TBC1D8: variants seen among roughly 807,000 people sequenced by gnomAD.
TBC1D8 encodes the protein TBC1 domain family member 8, also known as BUB2-like protein 1.
Under a neutral mutation model 118.8 loss-of-function variants are expected in TBC1D8, and 65 were observed. The ratio of observed to expected loss-of-function variants is 0.55; its 90% CI spans 0.45 to 0.67. The LOEUF (loss-of-function observed/expected upper bound fraction) is 0.67, where lower values mean the gene tolerates loss of function less well. TBC1D8 is among the 30% of genes least tolerant of loss of function. The probability of loss-of-function intolerance (pLI) is 0.00; values close to 1 mark genes in which losing one functional copy is unlikely to be tolerated. For missense variants in TBC1D8, 1,376 were observed against 1,471.2 expected (o/e 0.94, Z 1.06); for synonymous variants, 566 against 595.8 (o/e 0.95, Z 0.73).
At chr2:101,125,114 C>A (rs1678296431) in intron 1 of TBC1D8, among the ~76,000 whole-genome samples, 1 of 152,284 alleles carries the variant, frequency 6.6e-6, no homozygotes, top group Admixed American at 6.5e-5. Flanking sequence ...TCCAAACAAT[C>A]AAGCAGCCTC....
intron 1 of TBC1D8, among the ~76,000 whole-genome samples, chr2:101,139,326 CA>C (rs111845842): frequency 0.51 from 75,381 of 147,872 alleles, 19,658 homozygotes; most frequent in African/African-American, 0.63. Context: ...CAAAAAACAA[CA>C]AAAAAAAAAA....
intron 19 of TBC1D8, among the ~76,000 whole-genome samples, chr2:101,009,913 C>G: frequency 6.6e-6 from 1 of 151,436 alleles, no homozygotes; most frequent in South Asian, 2.1e-4. Context: ...GCTCCGCCTC[C>G]CGGGTTCATG....
In TBC1D8 at chr2:101,073,496, G is replaced by A. The variant is rs577085563; in HGVS notation, c.284-13957C>T. On this transcript the variant is annotated intron_variant, in intron 2 of 19. Transcript: ENST00000409318. Reference sequence around the variant, plus strand: ...TTTTTAATACAGATGGGGTTTCACCGTGTTAGCCAGGATGGTCTCGATCTC... The same window carrying A: ...TTTTTAATACAGATGGGGTTTCACCATGTTAGCCAGGATGGTCTCGATCTC... 2.2e-3 allele frequency among the ~76,000 whole-genome samples: 338 copies of A among 151,950 alleles called. 2 individuals are homozygous for A. The highest frequency in any genetic ancestry group is 7.7e-3 in the African/African-American group (319 of 41,434).
Position 101,050,557 on chromosome 2 carries a change from G to A in TBC1D8, c.716C>T (p.Thr239Met), listed in dbSNP as rs369454665. Residue 239 changes from threonine to methionine, a missense_variant, in exon 5 of 20, where the codon ACG becomes ATG. Transcript: ENST00000409318. ...VFLTDTIRIT[T>M]QNKERDFSMF... ...GGAGAAGTCACGCTCCTTATTCTGC[G>A]TGGTGATTCGGATGGTATCCGTCAG... 98 of 1,613,872 alleles carry A rather than the reference G, an allele frequency of 6.1e-5. No individual in the cohort carries two copies. The highest frequency in any genetic ancestry group is 4.9e-4 in the East Asian group (22 of 44,888).
chr2:101,028,183 G>C (rs749058284), intron 13 of TBC1D8, 37 bp from the exon 14 acceptor site: 2 of 1,611,192 alleles, frequency 1.2e-6, no homozygotes, highest in Non-Finnish European at 8.5e-7. Flanking sequence ...TCAGTCCCCT[G>C]CTCATCCAAA....
At chr2:101,026,097 A>G (rs1680321767) in intron 15 of TBC1D8, among the ~76,000 whole-genome samples, 1 of 152,134 alleles carries the variant, frequency 6.6e-6, no homozygotes, top group Non-Finnish European at 1.5e-5. Context: ...ACTTAACAAA[A>G]TTTGTTTTTA....
chr2:101,028,586 C>T (rs887213285), intron 12 of TBC1D8, 154 bp from the exon 13 acceptor site: 5 of 1,147,358 alleles, frequency 4.4e-6, no homozygotes, highest in African/African-American at 1.5e-5. Flanking sequence ...TTTAGAGAAG[C>T]GAGAGGCAGT....
At chr2:101,148,522 AAGAG>A (rs558818840) in intron 1 of TBC1D8, among the ~76,000 whole-genome samples, 28 of 152,256 alleles carry the variant, frequency 1.8e-4, no homozygotes, top group South Asian at 6.2e-4. Context: ...GGGAGAGAAA[AAGAG>A]AGAGAGAGCA....
chr2:101,115,686 G>A (rs1008232162), intron 1 of TBC1D8, among the ~76,000 whole-genome samples: 2 of 152,190 alleles, frequency 1.3e-5, no homozygotes, highest in African/African-American at 2.4e-5. Context: ...AGGAGGCAGA[G>A]GGTGCAATGA....
intron 3 of TBC1D8, among the ~76,000 whole-genome samples, chr2:101,058,839 A>AT (rs1329631810): frequency 1.3e-5 from 2 of 151,264 alleles, no homozygotes; most frequent in Non-Finnish European, 2.9e-5. Flanking sequence ...TTTTCCTGGG[A>AT]TAAAAAAAGG....
intron 1 of TBC1D8, chr2:101,109,997 G>A (rs796822135): frequency 2.6e-5 from 26 of 985,408 alleles, no homozygotes; most frequent in African/African-American, 7.0e-5. Flanking sequence ...CTTGTCTGGC[G>A]CTACAGGAAA....
In TBC1D8 at chr2:101,007,957, T is replaced by C; in HGVS notation, c.3332A>G (p.Gln1111Arg). Residue 1111 changes from glutamine to arginine, a missense_variant, in exon 20 of 20, where the codon CAG becomes CGG. Physicochemically the swap from Gln to Arg is conservative, Grantham distance 43 (BLOSUM62 1). Transcript: ENST00000409318. ...EHILASLLTE[Q>R]SLVNFFEKPL... ...CTTTTCAAAAAAGTTGACTAATGAC[T>C]GTTCAGTCAGAAGTGAAGCTAAAAT... 2 of 1,614,070 alleles carry C rather than the reference T, an allele frequency of 1.2e-6. No individual in the cohort carries two copies. The highest frequency in any genetic ancestry group is 2.2e-5 in the South Asian group (2 of 91,090).
chr2:101,008,392 A>G, intron 19 of TBC1D8, 119 bp from the exon 20 acceptor site: 1 of 803,680 alleles, frequency 1.2e-6, no homozygotes, highest in Non-Finnish European at 1.9e-6. Flanking sequence ...CACAGAATAT[A>G]AGAAAAGGTA....
intron 9 of TBC1D8, among the ~76,000 whole-genome samples, chr2:101,035,689 C>CTA (rs955367099): frequency 1.3e-5 from 2 of 152,200 alleles, no homozygotes; most frequent in Non-Finnish European, 2.9e-5. Context: ...AGCTCACACA[C>CTA]TATAGACACT....
chr2:101,080,231 C>T (rs891991254), intron 2 of TBC1D8, among the ~76,000 whole-genome samples: 3 of 152,114 alleles, frequency 2.0e-5, no homozygotes, highest in Non-Finnish European at 4.4e-5. Context: ...GCACCCCGAG[C>T]GTGACCGAAA....
chr2:101,072,100 CA>C (rs1349532865), intron 2 of TBC1D8, among the ~76,000 whole-genome samples: 2 of 152,188 alleles, frequency 1.3e-5, no homozygotes, highest in Non-Finnish European at 2.9e-5. Context: ...GGTGCATTGT[CA>C]ATAAGCAGTA....
intron 1 of TBC1D8, among the ~76,000 whole-genome samples, chr2:101,104,081 T>C (rs973508683): frequency 6.6e-5 from 10 of 152,124 alleles, no homozygotes; most frequent in Non-Finnish European, 1.3e-4. Flanking sequence ...CAACTGGAAT[T>C]TGAACAACTA....
chr2:101,143,355 A>G (rs1408217985), intron 1 of TBC1D8, among the ~76,000 whole-genome samples: 2 of 152,076 alleles, frequency 1.3e-5, no homozygotes, highest in African/African-American at 4.8e-5. Context: ...GCCACCACGC[A>G]CAGACACCTT....
chr2:101,028,189 C>A, intron 13 of TBC1D8, 43 bp from the exon 14 acceptor site: 1 of 1,611,092 alleles, frequency 6.2e-7, no homozygotes, highest in South Asian at 1.1e-5. Context: ...CCCTGCTCAT[C>A]CAAAGTGTGG....
Sources: allele counts gnomAD v4.1 joint callset (sites outside exome capture counted in the v4.1 genomes callset), GRCh38; gene constraint gnomAD v4.1.1; transcripts MANE v1.5; gene names NCBI Gene and HGNC (gene_info 2026-07-23, HGNC 2026-07-21).